LOC128462377: variants seen among roughly 807,000 people sequenced by gnomAD.
At chr16:89,330,324 C>G in the LOC128462377 span, among the ~76,000 whole-genome samples, 1 of 152,006 alleles carries the variant, frequency 6.6e-6, no homozygotes, top group Admixed American at 6.6e-5. Context: ...TGGGAAGGCT[C>G]GGGAGACCTG....
chr16:89,408,659 C>A, the LOC128462377 span, among the ~76,000 whole-genome samples: 19 of 152,184 alleles, frequency 1.2e-4, no homozygotes, highest in South Asian at 1.2e-3. Flanking sequence ...CCTCCTCGCA[C>A]CCCCTGCCAC....
the LOC128462377 span, among the ~76,000 whole-genome samples, chr16:89,408,372 A>G: frequency 1.2e-4 from 18 of 152,382 alleles, no homozygotes; most frequent in African/African-American, 3.1e-4. Context: ...TGATGCACAG[A>G]AAGGCCAGCA....
At chr16:89,403,204 T>C in the LOC128462377 span, among the ~76,000 whole-genome samples, 1 of 152,174 alleles carries the variant, frequency 6.6e-6, no homozygotes, top group South Asian at 2.1e-4. Context: ...TAGGGCCTGA[T>C]CCGCTCCCTC....
the LOC128462377 span, among the ~76,000 whole-genome samples, chr16:89,325,367 G>A: frequency 5.5e-4 from 83 of 152,192 alleles, no homozygotes; most frequent in African/African-American, 2.0e-3. Flanking sequence ...GAGCCCAGGA[G>A]GTCGAGGCTG....
chr16:89,373,904 A>T, the LOC128462377 span, among the ~76,000 whole-genome samples: 1 of 152,198 alleles, frequency 6.6e-6, no homozygotes, highest in Admixed American at 6.5e-5. Context: ...GAGTCTTGGC[A>T]GGCGGTCCAC....
chr16:89,371,017 T>C, the LOC128462377 span, among the ~76,000 whole-genome samples: 129 of 152,148 alleles, frequency 8.5e-4, no homozygotes, highest in African/African-American at 3.0e-3. Flanking sequence ...GAGAAAAATG[T>C]GTTTGGCAAT....
chr16:89,365,826 C>T, the LOC128462377 span, among the ~76,000 whole-genome samples: 2 of 152,088 alleles, frequency 1.3e-5, no homozygotes. Context: ...AAGCCCAGTA[C>T]CCAACAGTTA....
At chr16:89,355,559 G>C in the LOC128462377 span, among the ~76,000 whole-genome samples, 3 of 152,280 alleles carry the variant, frequency 2.0e-5, no homozygotes, top group African/African-American at 7.2e-5. Context: ...TCTTCCAGCA[G>C]GGACGGCCCC....
chr16:89,334,511 G>C, the LOC128462377 span, among the ~76,000 whole-genome samples: 1 of 152,116 alleles, frequency 6.6e-6, no homozygotes, highest in East Asian at 1.9e-4. Context: ...ACTCCAGGCT[G>C]GCAAAGTGAC....
the LOC128462377 span, among the ~76,000 whole-genome samples, chr16:89,381,831 G>GA: frequency 6.6e-6 from 1 of 152,224 alleles, no homozygotes; most frequent in African/African-American, 2.4e-5. Context: ...AAGAGGTAGA[G>GA]GTCAGATGAG....
the LOC128462377 span, among the ~76,000 whole-genome samples, chr16:89,346,104 C>T: frequency 1.3e-5 from 2 of 151,786 alleles, no homozygotes; most frequent in Non-Finnish European, 2.9e-5. Context: ...AAAAAATTAG[C>T]CGGGCGTGGT....
At chr16:89,358,404 C>T in the LOC128462377 span, among the ~76,000 whole-genome samples, 44 of 152,322 alleles carry the variant, frequency 2.9e-4, no homozygotes, top group Non-Finnish European at 5.6e-4. Flanking sequence ...TTCAAAGAGC[C>T]ACGTGGATAA....
chr16:89,319,557 C>T, the LOC128462377 span, among the ~76,000 whole-genome samples: 1 of 152,244 alleles, frequency 6.6e-6, no homozygotes, highest in Non-Finnish European at 1.5e-5. Context: ...CTCGTGTCCG[C>T]CTGGCCTTGG....
At chr16:89,405,135 G>C in the LOC128462377 span, among the ~76,000 whole-genome samples, 1 of 151,982 alleles carries the variant, frequency 6.6e-6, no homozygotes, top group South Asian at 2.1e-4. Context: ...GCGAGGTTGC[G>C]GTGAGTGGAG....
the LOC128462377 span, among the ~76,000 whole-genome samples, chr16:89,359,195 C>T: frequency 2.6e-5 from 4 of 152,230 alleles, no homozygotes; most frequent in South Asian, 2.1e-4. Flanking sequence ...CACGGAAATG[C>T]GATCTGTCCC....
the LOC128462377 span, among the ~76,000 whole-genome samples, chr16:89,371,625 CAT>C: frequency 6.6e-6 from 1 of 152,184 alleles, no homozygotes; most frequent in Non-Finnish European, 1.5e-5. Context: ...TCCCTGCCCA[CAT>C]GACGACACCC....
the LOC128462377 span, among the ~76,000 whole-genome samples, chr16:89,347,864 C>G: frequency 6.6e-6 from 1 of 152,086 alleles, no homozygotes; most frequent in Non-Finnish European, 1.5e-5. Flanking sequence ...CTCAGAACGT[C>G]CTCCATCAGA....
the LOC128462377 span, chr16:89,324,197 A>G: frequency 7.7e-6 from 9 of 1,175,754 alleles, no homozygotes; most frequent in Non-Finnish European, 9.6e-6. Flanking sequence ...CAGCACCGAG[A>G]GCGCGTTCAG....
At chr16:89,384,869 A>C in the LOC128462377 span, among the ~76,000 whole-genome samples, 1 of 109,700 alleles carries the variant, frequency 9.1e-6, no homozygotes, top group African/African-American at 3.6e-5. Flanking sequence ...ACACAATGAG[A>C]AATAGTTTTC....
Sources: allele counts gnomAD v4.1 joint callset (sites outside exome capture counted in the v4.1 genomes callset), GRCh38; gene constraint gnomAD v4.1.1; transcripts MANE v1.5.